Variants in ME2 observed in about 807,000 individuals in gnomAD.
ME2 encodes malic enzyme 2, also known as NAD-dependent malic enzyme, mitochondrial.
In ME2, 60 loss-of-function variants were observed where a neutral mutation model predicts 73.7. The observed-to-expected ratio is 0.81, with a 90% confidence interval of 0.66 to 1.01. The LOEUF is 1.01. Ranked by LOEUF, ME2 falls within the 50% of genes least tolerant of loss-of-function variation. The probability of loss-of-function intolerance (pLI) is 0.00; values close to 1 mark genes in which losing one functional copy is unlikely to be tolerated. For synonymous variants in ME2, 199 were observed against 236.9 expected (o/e 0.84, Z 1.47); for missense variants, 594 against 705.5 (o/e 0.84, Z 1.79).
At chr18:50,887,994 G>C (rs530322107) in intron 1 of ME2, among the ~76,000 whole-genome samples, 45 of 152,280 alleles carry the variant, frequency 3.0e-4, no homozygotes, top group South Asian at 8.3e-4. Flanking sequence ...TGGAATATCA[G>C]AAATAGATAA....
At chr18:50,927,294 GAGTA>G (rs1418133946) in intron 12 of ME2, among the ~76,000 whole-genome samples, 1 of 152,122 alleles carries the variant, frequency 6.6e-6, no homozygotes, top group Non-Finnish European at 1.5e-5. Context: ...ACATCCTTGA[GAGTA>G]AGTAATAAAT....
intron 1 of ME2, among the ~76,000 whole-genome samples, chr18:50,893,151 A>AAAAAAAAAAAAAAAAAC (rs1916649164): frequency 3.5e-5 from 5 of 143,348 alleles, no homozygotes; most frequent in Non-Finnish European, 7.7e-5. Context: ...AAAAAAAAAA[A>AAAAAAAAAAAAAAAAAC]ACACCTTTAA....
intron 12 of ME2, 75 bp downstream of exon 12, chr18:50,925,973 A>T: frequency 1.9e-6 from 2 of 1,058,412 alleles, no homozygotes; most frequent in Non-Finnish European, 2.8e-6. Flanking sequence ...TTCTTACACC[A>T]TTGTTCTAAT....
chr18:50,896,359 T>TAA (rs1916745325), intron 2 of ME2, among the ~76,000 whole-genome samples: 2 of 152,302 alleles, frequency 1.3e-5, no homozygotes, highest in Admixed American at 1.3e-4. Flanking sequence ...CACCTCCACT[T>TAA]ATCTTTTTGG....
intron 3 of ME2, among the ~76,000 whole-genome samples, chr18:50,912,583 C>T (rs1257542169): frequency 5.3e-5 from 8 of 152,136 alleles, no homozygotes; most frequent in African/African-American, 1.2e-4. Context: ...GTTATTTCAT[C>T]GTCATCATCA....
chr18:50,937,919 T>C (rs1917854805), intron 13 of ME2, among the ~76,000 whole-genome samples: 1 of 152,108 alleles, frequency 6.6e-6, no homozygotes, highest in South Asian at 2.1e-4. Flanking sequence ...TTCCCAAAAC[T>C]GAAAGACTCG....
rs1469144317 is a variant in ME2, at chr18:50,903,146, A to G, written c.109-4917A>G. On this transcript the variant is annotated intron_variant, in intron 2 of 15. Transcript: ENST00000321341. ...TGGGAAAAGTGGCAAAGGGAGATGGAGAAAGTAGGAGAAGAGTAGATAAGA... is the reference window on the plus strand; with the variant it reads ...TGGGAAAAGTGGCAAAGGGAGATGGGGAAAGTAGGAGAAGAGTAGATAAGA... Among the ~76,000 whole-genome samples the G allele has an allele frequency of 2.6e-5, 4 of 152,280 alleles. No individual in the cohort carries two copies. In the South Asian group the frequency reaches 6.2e-4, roughly 24 times the overall value.
intron 11 of ME2, 139 bp from the exon 12 acceptor site, chr18:50,925,617 A>C (rs1917532733): frequency 1.6e-6 from 1 of 641,194 alleles, no homozygotes; most frequent in Admixed American, 2.9e-5. Context: ...TAGATTTTGC[A>C]TTGCTGAGAT....
chr18:50,946,656 T>C (rs1320693323), intron 15 of ME2, among the ~76,000 whole-genome samples: 1 of 152,144 alleles, frequency 6.6e-6, no homozygotes, highest in African/African-American at 2.4e-5. Context: ...AGCAGAAACC[T>C]CTCTCTCACC....
chr18:50,938,631 G>T (rs1219076970), intron 13 of ME2, among the ~76,000 whole-genome samples: 2 of 152,164 alleles, frequency 1.3e-5, no homozygotes, highest in East Asian at 3.9e-4. Context: ...CCTACCAAAA[G>T]AGGGAGTAAT....
chr18:50,928,800 A>G (rs553519670), intron 12 of ME2, among the ~76,000 whole-genome samples: 1 of 152,112 alleles, frequency 6.6e-6, no homozygotes. Context: ...GTCCCTGAAC[A>G]TCCATTTTCC....
chr18:50,897,433 A>T (rs1310830849), intron 2 of ME2, among the ~76,000 whole-genome samples: 1 of 152,158 alleles, frequency 6.6e-6, no homozygotes, highest in Non-Finnish European at 1.5e-5. Flanking sequence ...TTCCCTAAAG[A>T]AAATAATGTC....
chr18:50,910,764 A>G (rs939838263), intron 3 of ME2, among the ~76,000 whole-genome samples: 1 of 152,210 alleles, frequency 6.6e-6, no homozygotes, highest in African/African-American at 2.4e-5. Context: ...AAAGGCAGAC[A>G]CTGTGGAAGG....
chr18:50,893,421 CCATT>C (rs1344528917), intron 1 of ME2, among the ~76,000 whole-genome samples: 1 of 152,096 alleles, frequency 6.6e-6, no homozygotes, highest in African/African-American at 2.4e-5. Flanking sequence ...ATGAATAAGA[CCATT>C]CAGATGAGCA....
intron 3 of ME2, among the ~76,000 whole-genome samples, chr18:50,910,993 G>T (rs1010802096): frequency 1.3e-5 from 2 of 152,220 alleles, no homozygotes; most frequent in African/African-American, 2.4e-5. Flanking sequence ...AATGGTAGAG[G>T]ATTGTGATCC....
At chr18:50,915,098 TCCTC>T (rs1917254556) in intron 4 of ME2, among the ~76,000 whole-genome samples, 1 of 152,016 alleles carries the variant, frequency 6.6e-6, no homozygotes, top group Non-Finnish European at 1.5e-5. Flanking sequence ...CCCCTCCTCC[TCCTC>T]CTCCTCCTCC....
chr18:50,886,245 G>GT (rs1916465105), intron 1 of ME2, among the ~76,000 whole-genome samples: 1 of 137,904 alleles, frequency 7.3e-6, no homozygotes. Context: ...GGGTAAGTTA[G>GT]ATTTTTTTTT....
intron 9 of ME2, 46 bp from the exon 10 acceptor site, chr18:50,921,028 T>C (rs1323743906): frequency 1.1e-6 from 1 of 908,796 alleles, no homozygotes; most frequent in Non-Finnish European, 1.7e-6. Context: ...ATTCAAGCAT[T>C]GCATCGTACT....
intron 3 of ME2, among the ~76,000 whole-genome samples, chr18:50,909,796 G>C: frequency 6.6e-6 from 1 of 152,278 alleles, no homozygotes; most frequent in South Asian, 2.1e-4. Context: ...ATGTTTCATC[G>C]TAGTTAGGAG....
Sources: gnomAD v4.1 joint callset for allele counts (sites outside exome capture counted in the v4.1 genomes callset) on GRCh38, gnomAD v4.1.1 for gene constraint, MANE v1.5 for transcripts, NCBI Gene and HGNC (gene_info 2026-07-23, HGNC 2026-07-21) for gene names.